The following TNS3 variants were observed in gnomAD, a reference collection of about 807,000 sequenced individuals.
TNS3 encodes the protein tensin 3, also known as tensin-3.
A neutral mutation model predicts 140.9 loss-of-function variants in TNS3; 45 were observed. The observed-to-expected ratio is 0.32, with a 90% CI of 0.25 to 0.41. The LOEUF (loss-of-function observed/expected upper bound fraction) is 0.41, where lower values mean the gene tolerates loss of function less well. Ranked by LOEUF, TNS3 falls within the 10% of genes least tolerant of loss-of-function variation. The pLI, the probability that TNS3 is intolerant of heterozygous loss-of-function variation, is 1.00. For missense variants in TNS3, 1,716 were observed against 1,906.7 expected (o/e 0.90, Z 1.86); for synonymous variants, 815 against 788.4 (o/e 1.03, Z -0.56).
chr7:47,486,342 ATG>A (rs993657138), intron 3 of TNS3, among the ~76,000 whole-genome samples: 1 of 151,134 alleles, frequency 6.6e-6, no homozygotes, highest in Non-Finnish European at 1.5e-5. Context: ...CCTATGCCTC[ATG>A]TGTGTGTATT....
At chr7:47,362,639 G>C (rs1033856771) in intron 17 of TNS3, among the ~76,000 whole-genome samples, 1 of 152,146 alleles carries the variant, frequency 6.6e-6, no homozygotes, top group Non-Finnish European at 1.5e-5. Flanking sequence ...GTGTCCTGGT[G>C]AAATGAAGGT....
chr7:47,278,281 C>G (rs1784961072), intron 30 of TNS3, 61 bp from the exon 31 acceptor site: 1 of 1,551,188 alleles, frequency 6.4e-7, no homozygotes, highest in Non-Finnish European at 8.7e-7. Context: ...GCTTCTACTT[C>G]CTCCAGCTGC....
chr7:47,451,233 G>C (rs1337700791), intron 4 of TNS3, among the ~76,000 whole-genome samples: 1 of 152,190 alleles, frequency 6.6e-6, no homozygotes, highest in Admixed American at 6.5e-5. Flanking sequence ...CCTGTGCGCT[G>C]CTCCTAGCAG....
At chr7:47,417,138 G>A (rs745541079) in intron 10 of TNS3, among the ~76,000 whole-genome samples, 17 of 152,212 alleles carry the variant, frequency 1.1e-4, no homozygotes, top group African/African-American at 3.4e-4. Context: ...ACTCTGGAGC[G>A]CTGGGCCTGA....
chr7:47,405,695 T>C (rs560504878), intron 13 of TNS3: 1 of 662,176 alleles, frequency 1.5e-6, no homozygotes, highest in East Asian at 2.7e-5. Context: ...AAAATAATGC[T>C]GTGATGCGTC....
intron 1 of TNS3, among the ~76,000 whole-genome samples, chr7:47,537,774 C>G (rs1799655487): frequency 6.6e-6 from 1 of 152,126 alleles, no homozygotes; most frequent in Non-Finnish European, 1.5e-5. Context: ...CAGGTAAACA[C>G]CGAGGCAGAA....
At chr7:47,467,017 G>A (rs780759096) in intron 4 of TNS3, among the ~76,000 whole-genome samples, 2 of 152,128 alleles carry the variant, frequency 1.3e-5, no homozygotes, top group East Asian at 3.9e-4. Context: ...TGGTGATGAC[G>A]GTGGTGGTGA....
At chr7:47,550,777 A>AG (rs1800039669) in intron 1 of TNS3, among the ~76,000 whole-genome samples, 1 of 152,260 alleles carries the variant, frequency 6.6e-6, no homozygotes, top group African/African-American at 2.4e-5. Flanking sequence ...GTACTAACAT[A>AG]GAATGGGATT....
intron 4 of TNS3, among the ~76,000 whole-genome samples, chr7:47,469,014 G>C (rs190230302): frequency 1.0e-3 from 152 of 152,304 alleles, no homozygotes; most frequent in Non-Finnish European, 1.4e-3. Flanking sequence ...AATAAATAGT[G>C]CTGGGATAAC....
At chr7:47,445,204 C>T (rs977555712) in intron 4 of TNS3, among the ~76,000 whole-genome samples, 2 of 152,228 alleles carry the variant, frequency 1.3e-5, no homozygotes, top group Non-Finnish European at 2.9e-5. Flanking sequence ...CATCTGTCCA[C>T]CTCATGCCTC....
intron 4 of TNS3, chr7:47,470,638 C>T (rs1796911497): frequency 1.0e-6 from 1 of 985,360 alleles, no homozygotes; most frequent in Non-Finnish European, 1.2e-6. Context: ...TGCAGCAACC[C>T]TGAACCACAG....
chr7:47,447,122 G>A (rs1025977603), intron 4 of TNS3, among the ~76,000 whole-genome samples: 1 of 131,566 alleles, frequency 7.6e-6, no homozygotes, highest in Non-Finnish European at 1.7e-5. Flanking sequence ...AATGACAGCT[G>A]TGGATCAAAC....
At position 47,535,264 on chromosome 7, in the gene TNS3, T is replaced by TA. The variant is rs1335839562; in HGVS notation, c.-264-6118dup. ...ACTGTGACCTTTCATTCCTCACAAATACCTTTATTCCAACCAGGGAGAAAG... is the reference window on the plus strand; with the variant it reads ...ACTGTGACCTTTCATTCCTCACAAATAACCTTTATTCCAACCAGGGAGAAAG... On this transcript the variant is annotated intron_variant, in intron 1 of 30. Coordinates refer to ENST00000311160, the MANE Select transcript of TNS3 (RefSeq NM_022748.12). Among the ~76,000 whole-genome samples, 5 of 152,276 alleles carry TA rather than the reference T, an allele frequency of 3.3e-5. 1 individual carries two copies. Among genetic ancestry groups the TA allele is most frequent in the South Asian group, 4.1e-4 (2 of 4,824 alleles).
At chr7:47,493,912 T>G (rs1202779882) in intron 3 of TNS3, among the ~76,000 whole-genome samples, 1 of 152,114 alleles carries the variant, frequency 6.6e-6, no homozygotes, top group Admixed American at 6.5e-5. Context: ...AATTAAGCAT[T>G]GAGCTGCAAA....
At chr7:47,302,814 C>A in intron 22 of TNS3, 136 bp downstream of exon 22, 1 of 1,238,538 alleles carries the variant, frequency 8.1e-7, no homozygotes, top group Non-Finnish European at 1.1e-6. Flanking sequence ...GGAAAAGTAC[C>A]CCAACGGCTC....
intron 1 of TNS3, among the ~76,000 whole-genome samples, chr7:47,557,962 G>C (rs921654219): frequency 6.6e-6 from 1 of 152,190 alleles, no homozygotes; most frequent in Non-Finnish European, 1.5e-5. Context: ...CGGTGAGCAG[G>C]CCTCGGGACA....
intron 1 of TNS3, among the ~76,000 whole-genome samples, 180 bp from the exon 2 acceptor site, chr7:47,529,327 G>A (rs1799310948): frequency 6.6e-6 from 1 of 152,098 alleles, no homozygotes. Context: ...GACGACCCAC[G>A]GATACCATGT....
chr7:47,303,029 G>C lies in TNS3; in HGVS notation c.3378C>G (p.Ser1126Arg), dbSNP rs369933759. ...PSSSGFSSPH[S>R]GSTISIPFPN... ...GGAAGGGGATACTGATGGTGCTCCC[G>C]CTGTGCGGGCTGGAGAAGCCACTGG... Residue 1126 changes from serine (S) to arginine (R), a missense_variant, in exon 22 of 31, where the codon AGC becomes AGG. Ser to Arg is a moderately radical substitution (Grantham distance 110, BLOSUM62 -1). Around this residue, in one of 3 missense-constraint regions of TNS3, gnomAD observed 1,163 missense variants for 1,182.1 expected, o/e 0.98. Coordinates refer to ENST00000311160, the MANE Select transcript of TNS3 (RefSeq NM_022748.12). The C allele has an allele frequency of 1.2e-6, 2 of 1,614,072 alleles. No homozygotes were observed.
intron 2 of TNS3, among the ~76,000 whole-genome samples, chr7:47,514,632 G>A (rs1380189053): frequency 6.6e-6 from 1 of 151,908 alleles, no homozygotes; most frequent in African/African-American, 2.4e-5. Context: ...CTTCCCTACA[G>A]CTGTCTCTCT....
Sources: allele counts gnomAD v4.1 joint callset (sites outside exome capture counted in the v4.1 genomes callset), GRCh38; gene constraint gnomAD v4.1.1; regional missense constraint gnomAD v4.1.1; transcripts MANE v1.5; gene names NCBI Gene and HGNC (gene_info 2026-07-23, HGNC 2026-07-21).